NSD1: variants seen among roughly 807,000 people sequenced by gnomAD.
The protein encoded by NSD1 is nuclear receptor binding SET domain protein 1.
NSD1 carries 26 observed loss-of-function variants against 242.7 expected under a neutral mutation model. That is an observed-to-expected ratio of 0.11 (90% confidence interval 0.08 to 0.15). The LOEUF is 0.15. Among genes scored for constraint, NSD1 ranks in the 10% least tolerant of loss-of-function variants. The pLI is 1.00. For synonymous variants in NSD1, 1,106 were observed against 1,178.1 expected (o/e 0.94, Z 1.25); for missense variants, 2,495 against 3,272.8 (o/e 0.76, Z 5.80).
Position 177,210,251 on chromosome 5 carries a change from A to G in NSD1, c.1852A>G (p.Lys618Glu), listed in dbSNP as rs762066977. The change falls in exon 5 of 23, where the codon AAA (lysine) becomes GAA (glutamate). Residue 618 changes from lysine (K) to glutamate (E), a missense_variant. Physicochemically the swap from Lys to Glu is moderately conservative, Grantham distance 56. Coordinates refer to ENST00000439151, the MANE Select transcript of NSD1 (RefSeq NM_022455.5). ...KPQRSLVCGS[K>E]VKLCYIGAGD... ...CCAACGAAGCCTGGTGTGTGGTTCA[A>G]AAGTGAAGCTCTGCTATATTGGAGC... is the stretch of plus-strand genomic sequence containing the variant. 12 of 1,600,104 alleles carry G rather than the reference A, an allele frequency of 7.5e-6. No homozygotes were observed. The highest frequency in any genetic ancestry group is 3.5e-5 in the Admixed American group (2 of 57,532).
chr5:177,295,693 A>C lies in NSD1; in HGVS notation c.*234A>C. The C allele has an allele frequency of 1.7e-6, 1 of 590,814 alleles. No homozygotes were observed. The highest frequency in any genetic ancestry group is 2.9e-5 in the Admixed American group (1 of 34,756). The allele number at this position is 590,814 out of a possible 1,614,324, so 36.6% of individuals were successfully genotyped here. On this transcript the variant is annotated 3_prime_UTR_variant, in exon 23 of 23. Transcript: ENST00000439151. The surrounding 1 kb of genome is among the most constrained non-coding windows in gnomAD (Gnocchi z 4.3). The stretch of plus-strand genomic sequence containing the variant: ...GTGGGCCCCAACCAAGGAGACAGAC[A>C]GACTTGGGTCTCTTTCCCCCAACTT...
intron 6 of NSD1, among the ~76,000 whole-genome samples, chr5:177,237,942 A>G (rs1303784986): frequency 2.0e-5 from 3 of 152,202 alleles, no homozygotes; most frequent in Non-Finnish European, 4.4e-5. Context: ...TTCCAAATTA[A>G]AAATCAATAC....
At chr5:177,266,126 C>T (rs1316040348) in intron 14 of NSD1, 2 of 1,110,528 alleles carry the variant, frequency 1.8e-6, no homozygotes, top group African/African-American at 3.1e-5. Flanking sequence ...GAAGATGAGG[C>T]TATTGGGCGC....
At chr5:177,132,466 T>G (rs1755947229), upstream of NSD1, among the ~76,000 whole-genome samples, 1 of 151,562 alleles carries the variant, frequency 6.6e-6, no homozygotes, top group African/African-American at 2.4e-5. The surrounding 1 kb of genome is among the most constrained non-coding windows in gnomAD (Gnocchi z 7.5). Flanking sequence ...CGGGAGGCGG[T>G]GCAGGGACTA....
chr5:177,226,219 G>T (rs1187919488), intron 5 of NSD1, among the ~76,000 whole-genome samples: 1 of 152,030 alleles, frequency 6.6e-6, no homozygotes, highest in African/African-American at 2.4e-5. Context: ...GTTAATTTTT[G>T]TATTTTTGGT....
intron 17 of NSD1, among the ~76,000 whole-genome samples, chr5:177,276,500 GT>G (rs1758395593): frequency 6.6e-6 from 1 of 151,062 alleles, no homozygotes; most frequent in Non-Finnish European, 1.5e-5. Flanking sequence ...TAATTTTTGT[GT>G]TTTTAGTAGA....
At chr5:177,141,310 G>A (rs1178845898) in intron 2 of NSD1, among the ~76,000 whole-genome samples, 3 of 141,276 alleles carry the variant, frequency 2.1e-5, no homozygotes, top group African/African-American at 8.0e-5. Context: ...GTGAGCCACC[G>A]CGCGCAGCCT....
At chr5:177,179,264 G>GA (rs1310000752) in intron 2 of NSD1, among the ~76,000 whole-genome samples, 1 of 152,094 alleles carries the variant, frequency 6.6e-6, no homozygotes, top group Non-Finnish European at 1.5e-5. Flanking sequence ...TGCCCAGGCT[G>GA]AAGTACAATG....
At position 177,299,492 on chromosome 5, in the gene NSD1, G is replaced by A. The variant is rs547553351; in HGVS notation, c.*4033G>A. 1 of 233,204 alleles carries A rather than the reference G, an allele frequency of 4.3e-6. No homozygotes were observed. The highest frequency in any genetic ancestry group is 8.5e-6 in the Non-Finnish European group (1 of 118,076). The allele number at this position is 233,204 out of a possible 1,614,324, so 14.4% of individuals were successfully genotyped here. On this transcript the variant is annotated 3_prime_UTR_variant, in exon 23 of 23. Coordinates refer to ENST00000439151, the MANE Select transcript of NSD1 (RefSeq NM_022455.5). ...GCTGCCTGGAGCAGGTTGTTAGAGA[G>A]CTCTGGTTGTTGGGTCTTCCTCAGC...
At chr5:177,140,038 T>A (rs1322673239) in intron 2 of NSD1, among the ~76,000 whole-genome samples, 1 of 152,096 alleles carries the variant, frequency 6.6e-6, no homozygotes, top group East Asian at 1.9e-4. Context: ...AGAAGGGTCA[T>A]ATTTTCTGTT....
chr5:177,251,152 T>G (rs1178102044), intron 11 of NSD1, among the ~76,000 whole-genome samples: 1 of 151,612 alleles, frequency 6.6e-6, no homozygotes, highest in East Asian at 1.9e-4. Flanking sequence ...ATTGCGCCAT[T>G]GTACTCCATC....
At chr5:177,163,223 A>G (rs995244211) in intron 2 of NSD1, among the ~76,000 whole-genome samples, 1 of 151,106 alleles carries the variant, frequency 6.6e-6, no homozygotes, top group Non-Finnish European at 1.5e-5. Flanking sequence ...GCTCACTGCA[A>G]CGTCCACCTA....
Position 177,192,016 on chromosome 5 carries a change from A to G in NSD1, c.1060A>G (p.Lys354Glu). ...GTTGATTAACACACATTCAAAAATG[A>G]AAGGTAATACTTGCAGTGATTATAC... ...DPLINTHSKM[K>E]VSNRRPYRQY... The change falls in exon 3 of 23, where the codon AAA (lysine) becomes GAA (glutamate). Residue 354 changes from lysine (K) to glutamate (E), a missense_variant. Around this residue, in one of 19 missense-constraint regions of NSD1, gnomAD observed 65 missense variants for 136.2 expected, o/e 0.48. Transcript: ENST00000439151. 1 of 1,614,084 alleles carries G rather than the reference A, an allele frequency of 6.2e-7. No individual in the cohort carries two copies. The highest frequency in any genetic ancestry group is 8.5e-7 in the Non-Finnish European group (1 of 1,179,962).
chr5:177,140,809 G>A (rs565697509), intron 2 of NSD1, among the ~76,000 whole-genome samples: 1 of 152,260 alleles, frequency 6.6e-6, no homozygotes, highest in Non-Finnish European at 1.5e-5. Flanking sequence ...GTCTGGATTT[G>A]AGGAATGGAG....
chr5:177,142,733 T>G (rs1756928036), intron 2 of NSD1, among the ~76,000 whole-genome samples: 1 of 152,224 alleles, frequency 6.6e-6, no homozygotes, highest in Admixed American at 6.5e-5. Context: ...CATTTAGTCT[T>G]TCCTTCCAGT....
intron 20 of NSD1, among the ~76,000 whole-genome samples, chr5:177,287,359 G>A (rs1429671444): frequency 6.6e-6 from 1 of 152,184 alleles, no homozygotes; most frequent in Admixed American, 6.5e-5. Context: ...GACAGTGTGG[G>A]GCTGGGCGCA....
intron 8 of NSD1, among the ~76,000 whole-genome samples, chr5:177,241,077 CT>C (rs1184575234): frequency 4.6e-5 from 7 of 152,210 alleles, no homozygotes; most frequent in African/African-American, 1.7e-4. Context: ...GATGTTCTCC[CT>C]GTGTTTTAGG....
intron 2 of NSD1, among the ~76,000 whole-genome samples, chr5:177,183,475 T>C (rs530577196): frequency 1.1e-4 from 17 of 152,306 alleles, no homozygotes; most frequent in African/African-American, 4.1e-4. Context: ...ATGGTCATTC[T>C]GTGTTTAAGA....
intron 15 of NSD1, among the ~76,000 whole-genome samples, chr5:177,268,215 C>A (rs765558440): frequency 2.0e-5 from 3 of 150,990 alleles, no homozygotes; most frequent in Non-Finnish European, 4.4e-5. Context: ...CTTAAGGGAT[C>A]CTGCCGCCTC....
Sources: gnomAD v4.1 joint callset for allele counts (sites outside exome capture counted in the v4.1 genomes callset) on GRCh38, gnomAD v4.1.1 for gene constraint, gnomAD v4.1.1 regional missense constraint, Gnocchi (gnomAD v3.1) non-coding constraint, MANE v1.5 for transcripts, NCBI Gene and HGNC (gene_info 2026-07-23, HGNC 2026-07-21) for gene names.